KCNIP4: variants seen among roughly 807,000 people sequenced by gnomAD.
The protein encoded by KCNIP4 is potassium voltage-gated channel interacting protein 4.
Under a neutral mutation model 34.0 loss-of-function variants are expected in KCNIP4, and 12 were observed. The observed-to-expected ratio is 0.35, with a 90% CI of 0.23 to 0.57. The LOEUF is 0.57. KCNIP4 is among the 20% of genes least tolerant of loss of function. The probability of loss-of-function intolerance (pLI) is 0.83; values close to 1 mark genes in which losing one functional copy is unlikely to be tolerated. For missense variants in KCNIP4, 238 were observed against 311.7 expected, an observed-to-expected ratio of 0.76 and a Z score of 1.78; for synonymous variants, 124 against 102.2, an observed-to-expected ratio of 1.21 and a Z score of -1.29.
chr4:20,855,842 G>A (rs1721514837), intron 2 of KCNIP4, among the ~76,000 whole-genome samples: 1 of 152,124 alleles, frequency 6.6e-6, no homozygotes, highest in Non-Finnish European at 1.5e-5. Context: ...AATAGAAAAG[G>A]ACATGGAAAG....
intron 1 of KCNIP4, among the ~76,000 whole-genome samples, chr4:21,229,036 T>G (rs950396400): frequency 6.6e-6 from 1 of 152,310 alleles, no homozygotes; most frequent in Non-Finnish European, 1.5e-5. Flanking sequence ...AATGATTGAA[T>G]CCATTTGCAA....
intron 1 of KCNIP4, among the ~76,000 whole-genome samples, chr4:21,191,757 G>A (rs981073394): frequency 2.6e-5 from 4 of 152,160 alleles, no homozygotes; most frequent in African/African-American, 9.7e-5. Context: ...ATTCCAAATA[G>A]TATGGCTTTT....
chr4:20,810,280 C>A (rs1560482218), intron 3 of KCNIP4, among the ~76,000 whole-genome samples: 1 of 152,246 alleles, frequency 6.6e-6, no homozygotes, highest in South Asian at 2.1e-4. Context: ...ATTGTATCGT[C>A]CCCTCTGGCA....
chr4:20,740,067 A>G (rs961231351), intron 5 of KCNIP4, among the ~76,000 whole-genome samples: 3 of 152,170 alleles, frequency 2.0e-5, no homozygotes, highest in African/African-American at 4.8e-5. Context: ...CAAAGCCTCC[A>G]GGAAATATGG....
chr4:21,644,650 C>A lies in KCNIP4; in HGVS notation c.61+303921G>T, dbSNP rs16871631. On this transcript the variant is annotated intron_variant, in intron 1 of 8. Coordinates refer to ENST00000382152, the MANE Select transcript of KCNIP4 (RefSeq NM_025221.6). ...GGGTTTACTCTGGGCATCTCAGAGT[C>A]CGCTGGAATTCTGGGTGGATCCCAT... Among the ~76,000 whole-genome samples the A allele has an allele frequency of 7.4e-3, 1,128 of 152,206 alleles. 13 individuals are homozygous for A. Among genetic ancestry groups the A allele is most frequent in the African/African-American group, 0.025 (1,052 of 41,522 alleles).
chr4:20,755,072 A>G (rs1290938516), intron 4 of KCNIP4, among the ~76,000 whole-genome samples: 1 of 152,172 alleles, frequency 6.6e-6, no homozygotes, highest in Non-Finnish European at 1.5e-5. Context: ...TAATCCTGGC[A>G]TCAGGTACTA....
At chr4:21,608,942 AGAG>A (rs1743932305) in intron 1 of KCNIP4, 5 of 152,298 alleles carry the variant, frequency 3.3e-5, no homozygotes, top group Non-Finnish European at 7.3e-5. Flanking sequence ...CACACAGACT[AGAG>A]GTAGGTGGTG....
intron 1 of KCNIP4, among the ~76,000 whole-genome samples, chr4:21,680,979 A>T (rs1431235930): frequency 6.6e-6 from 1 of 152,178 alleles, no homozygotes; most frequent in Admixed American, 6.5e-5. Flanking sequence ...CTAAAAAGAG[A>T]GTCAGTCTCC....
At chr4:21,779,036 A>G (rs1719395748) in intron 1 of KCNIP4, among the ~76,000 whole-genome samples, 1 of 148,826 alleles carries the variant, frequency 6.7e-6, no homozygotes, top group African/African-American at 2.5e-5. Flanking sequence ...GAGAGAGAGA[A>G]GATTATATTC....
rs76359441 is a variant in KCNIP4, at chr4:21,374,304, C to T, written c.62-491595G>A. On this transcript the variant is annotated intron_variant, in intron 1 of 8. Coordinates refer to ENST00000382152, the MANE Select transcript of KCNIP4 (RefSeq NM_025221.6). ...GGCTGGGGAGGCCTCACAAACATGGCGGAAGGTGAAAGGCAAAAGGCACAA... is the reference window on the plus strand; with the variant it reads ...GGCTGGGGAGGCCTCACAAACATGGTGGAAGGTGAAAGGCAAAAGGCACAA... 1.0e-2 allele frequency among the ~76,000 whole-genome samples: 1,462 copies of T among 146,858 alleles called. 269 individuals are homozygous for T. Among genetic ancestry groups the T allele is most frequent in the African/African-American group, 0.038 (1,384 of 36,666 alleles).
intron 1 of KCNIP4, among the ~76,000 whole-genome samples, chr4:20,951,365 A>G (rs1225079862): frequency 6.6e-6 from 1 of 152,230 alleles, no homozygotes; most frequent in East Asian, 1.9e-4. Context: ...GGAAATTCTA[A>G]ATATTTTAAG....
intron 1 of KCNIP4, among the ~76,000 whole-genome samples, chr4:21,220,652 G>T (rs1335304944): frequency 1.3e-5 from 2 of 152,030 alleles, no homozygotes; most frequent in African/African-American, 4.8e-5. Flanking sequence ...TGTGCTACTT[G>T]AGGCTGAGCC....
intron 1 of KCNIP4, among the ~76,000 whole-genome samples, chr4:21,896,571 G>A (rs947795358): frequency 6.6e-6 from 1 of 152,124 alleles, no homozygotes; most frequent in African/African-American, 2.4e-5. Context: ...AAAGGCCTCA[G>A]GATCATGTTA....
chr4:21,887,245 G>A (rs1352451476), intron 1 of KCNIP4, among the ~76,000 whole-genome samples: 1 of 152,050 alleles, frequency 6.6e-6, no homozygotes, highest in Non-Finnish European at 1.5e-5. Context: ...TAGTTCTGCA[G>A]GCTGGAAGTC....
At chr4:20,764,462 T>C (rs182113879) in intron 3 of KCNIP4, among the ~76,000 whole-genome samples, 27 of 152,266 alleles carry the variant, frequency 1.8e-4, no homozygotes, top group Admixed American at 2.0e-4. Flanking sequence ...ATGTAATTAA[T>C]ATTCTATGCA....
At chr4:21,460,111 T>A (rs893921387) in intron 1 of KCNIP4, among the ~76,000 whole-genome samples, 1 of 117,870 alleles carries the variant, frequency 8.5e-6, no homozygotes, top group Non-Finnish European at 1.9e-5. Flanking sequence ...CCGCCCCCCA[T>A]CTCTTGTGTT....
chr4:21,687,239 C>A (rs1041477839), intron 1 of KCNIP4, among the ~76,000 whole-genome samples: 1 of 146,864 alleles, frequency 6.8e-6, no homozygotes, highest in African/African-American at 2.5e-5. Flanking sequence ...TTAGTGGGTG[C>A]AGCGCACCAG....
chr4:20,985,326 G>C (rs568058079), intron 1 of KCNIP4, among the ~76,000 whole-genome samples: 2 of 152,254 alleles, frequency 1.3e-5, no homozygotes, highest in South Asian at 2.1e-4. Flanking sequence ...CACAATAATA[G>C]TTAACATGTA....
At chr4:21,445,627 G>A (rs1009372407) in intron 1 of KCNIP4, among the ~76,000 whole-genome samples, 4 of 152,154 alleles carry the variant, frequency 2.6e-5, no homozygotes, top group African/African-American at 7.2e-5. Context: ...ATTAATTCAA[G>A]ATGGATTAAA....
Sources: gnomAD v4.1 joint callset for allele counts (sites outside exome capture counted in the v4.1 genomes callset) on GRCh38, gnomAD v4.1.1 for gene constraint, MANE v1.5 for transcripts, NCBI Gene and HGNC (gene_info 2026-07-23, HGNC 2026-07-21) for gene names.